KCNB2: variants seen among roughly 807,000 people sequenced by gnomAD.
KCNB2 encodes delayed rectifier potassium channel protein.
A neutral mutation model predicts 61.5 loss-of-function variants in KCNB2; 15 were observed. The observed-to-expected ratio is 0.24, with a 90% CI of 0.16 to 0.38. KCNB2 has a LOEUF of 0.38. Ranked by LOEUF, KCNB2 falls within the 10% of genes least tolerant of loss-of-function variation. The pLI, the probability that KCNB2 is intolerant of heterozygous loss-of-function variation, is 1.00. For missense variants in KCNB2, 828 were observed against 1,125.2 expected, an observed-to-expected ratio of 0.74 and a Z score of 3.78; for synonymous variants, 457 against 446.0, an observed-to-expected ratio of 1.02 and a Z score of -0.31.
chr8:72,672,999 A>C (rs1038140058), intron 2 of KCNB2, among the ~76,000 whole-genome samples: 2 of 152,240 alleles, frequency 1.3e-5, no homozygotes, highest in African/African-American at 4.8e-5. Context: ...TTTCTTAAAG[A>C]GTTAAACATA....
chr8:72,847,836 C>G (rs1244047609), intron 2 of KCNB2, among the ~76,000 whole-genome samples: 1 of 152,180 alleles, frequency 6.6e-6, no homozygotes, highest in East Asian at 1.9e-4. Context: ...TGAATGTTTT[C>G]TACATGTAAC....
At chr8:72,584,875 C>T (rs1199072608) in intron 2 of KCNB2, among the ~76,000 whole-genome samples, 2 of 152,102 alleles carry the variant, frequency 1.3e-5, no homozygotes, top group East Asian at 3.9e-4. Flanking sequence ...AATCAGAAAC[C>T]CTTGCTCCTT....
chr8:72,914,647 C>G (rs942702387), intron 2 of KCNB2, among the ~76,000 whole-genome samples: 3 of 152,080 alleles, frequency 2.0e-5, no homozygotes, highest in African/African-American at 7.2e-5. Flanking sequence ...ATACTTTGAT[C>G]TAAGGGAGAA....
chr8:72,804,164 A>G (rs528522889), intron 2 of KCNB2, among the ~76,000 whole-genome samples: 14 of 152,318 alleles, frequency 9.2e-5, no homozygotes, highest in Admixed American at 2.6e-4. Flanking sequence ...TGTTAGCACA[A>G]GTACAGCCAA....
chr8:72,725,111 G>T (rs568059629), intron 2 of KCNB2, among the ~76,000 whole-genome samples: 1 of 151,886 alleles, frequency 6.6e-6, no homozygotes, highest in African/African-American at 2.4e-5. Context: ...TTATTATTTT[G>T]TTTGCAGCAA....
intron 2 of KCNB2, among the ~76,000 whole-genome samples, chr8:72,893,119 G>A (rs1467181417): frequency 6.6e-6 from 1 of 150,840 alleles, no homozygotes; most frequent in Non-Finnish European, 1.5e-5. Flanking sequence ...AAAAAAACTA[G>A]ATGGCCATGG....
At chr8:72,902,213 A>G (rs1304391730) in intron 2 of KCNB2, among the ~76,000 whole-genome samples, 1 of 152,176 alleles carries the variant, frequency 6.6e-6, no homozygotes, top group Non-Finnish European at 1.5e-5. Context: ...AAGTGTTGGC[A>G]AAACAATGGA....
At chr8:72,652,820 C>T (rs1243075997) in intron 2 of KCNB2, among the ~76,000 whole-genome samples, 1 of 152,148 alleles carries the variant, frequency 6.6e-6, no homozygotes, top group East Asian at 1.9e-4. Context: ...TTTCCTAGGG[C>T]TGCCCTCACA....
intron 1 of KCNB2, among the ~76,000 whole-genome samples, chr8:72,563,958 A>G (rs1428519129): frequency 1.3e-5 from 2 of 152,194 alleles, no homozygotes; most frequent in Non-Finnish European, 2.9e-5. Context: ...AAGAAAATCA[A>G]ATCAACAGGG....
At chr8:72,678,189 G>C (rs184621844) in intron 2 of KCNB2, among the ~76,000 whole-genome samples, 399 of 152,258 alleles carry the variant, frequency 2.6e-3, no homozygotes, top group African/African-American at 9.1e-3. Flanking sequence ...CACCACCTCT[G>C]CTGCCTGTCT....
chr8:72,652,467 T>C (rs1806227644), intron 2 of KCNB2, among the ~76,000 whole-genome samples: 1 of 152,092 alleles, frequency 6.6e-6, no homozygotes, highest in African/African-American at 2.4e-5. Flanking sequence ...AATGGTGTTT[T>C]GAAAATTATA....
chr8:72,901,786 G>T (rs1260864560), intron 2 of KCNB2, among the ~76,000 whole-genome samples: 2 of 152,154 alleles, frequency 1.3e-5, no homozygotes, highest in Non-Finnish European at 2.9e-5. Flanking sequence ...CCCTTCTGTG[G>T]AGGCTGCACT....
intron 2 of KCNB2, among the ~76,000 whole-genome samples, chr8:72,577,768 A>C (rs1161598997): frequency 6.6e-6 from 1 of 152,216 alleles, no homozygotes. Flanking sequence ...GTGCAGCTCC[A>C]GATGGGTTTG....
chr8:72,716,539 T>C (rs1052955944), intron 2 of KCNB2, among the ~76,000 whole-genome samples: 3 of 152,168 alleles, frequency 2.0e-5, no homozygotes, highest in African/African-American at 7.2e-5. Flanking sequence ...ATCCAGCCTA[T>C]AAACAGAACC....
intron 2 of KCNB2, among the ~76,000 whole-genome samples, chr8:72,590,977 A>G (rs1038180667): frequency 2.0e-5 from 3 of 152,214 alleles, no homozygotes; most frequent in Non-Finnish European, 2.9e-5. Context: ...ACAAAGGACT[A>G]ATGAAGTAAA....
chr8:72,683,968 G>C (rs1312772513), intron 2 of KCNB2, among the ~76,000 whole-genome samples: 2 of 152,168 alleles, frequency 1.3e-5, no homozygotes, highest in African/African-American at 2.4e-5. Context: ...GATGGGTAGA[G>C]ATTGAAGGAT....
At chr8:72,932,723 G>A (rs78246412) in intron 2 of KCNB2, among the ~76,000 whole-genome samples, 3,190 of 152,224 alleles carry the variant, frequency 0.021, 110 homozygotes, top group African/African-American at 0.072. Context: ...GGAGGCCTGC[G>A]TTAGTGAGAC....
rs1233961776 is a variant in KCNB2 at position 72,552,254 on chromosome 8, C to T, written c.-94+14369C>T. 3.9e-5 allele frequency among the ~76,000 whole-genome samples: 6 copies of T among 152,122 alleles called. No individual in the cohort carries two copies. The East Asian group carries it at 9.6e-4, about 24-fold the overall frequency. ...TCTGCCATTCTTATTAAGAACAGAACTTATTTCTTATTTAAGAACAGAACT... is the reference window on the plus strand; with the variant it reads ...TCTGCCATTCTTATTAAGAACAGAATTTATTTCTTATTTAAGAACAGAACT... On this transcript the variant is annotated intron_variant, in intron 1 of 2. Coordinates refer to ENST00000523207, the MANE Select transcript of KCNB2 (RefSeq NM_004770.3).
At chr8:72,694,746 A>G (rs905913697) in intron 2 of KCNB2, among the ~76,000 whole-genome samples, 2 of 152,082 alleles carry the variant, frequency 1.3e-5, no homozygotes, top group Non-Finnish European at 2.9e-5. Flanking sequence ...TTTTCAATTT[A>G]AAAAGTTTTA....
Sources: gnomAD v4.1 joint callset for allele counts (sites outside exome capture counted in the v4.1 genomes callset) on GRCh38, gnomAD v4.1.1 for gene constraint, MANE v1.5 for transcripts, NCBI Gene and HGNC (gene_info 2026-07-23, HGNC 2026-07-21) for gene names.